LRRC41: variants seen among roughly 807,000 people sequenced by gnomAD.
LRRC41 encodes the protein leucine rich repeat containing 41.
Under a neutral mutation model 72.1 loss-of-function variants are expected in LRRC41, and 17 were observed. The ratio of observed to expected loss-of-function variants is 0.24; its 90% confidence interval spans 0.16 to 0.35. The LOEUF is 0.35. Ranked by LOEUF, LRRC41 falls within the 10% of genes least tolerant of loss-of-function variation. LRRC41 has a pLI of 1.00. For missense variants in LRRC41, 759 were observed against 1,065.0 expected (o/e 0.71, Z 4.00); for synonymous variants, 427 against 431.0 (o/e 0.99, Z 0.11).
chr1:46,289,926 A>C (rs1219953249), intron 3 of LRRC41, among the ~76,000 whole-genome samples: 1 of 152,198 alleles, frequency 6.6e-6, no homozygotes, highest in Admixed American at 6.6e-5. Context: ...AGGTGAAGTG[A>C]TGTTTGCCCA....
In LRRC41 at chr1:46,302,280, G is replaced by A; in HGVS notation, c.199+844C>T. The A allele has an allele frequency of 2.0e-6, 2 of 985,290 alleles. No homozygotes were observed. The highest frequency in any genetic ancestry group is 2.4e-6 in the Non-Finnish European group (2 of 829,882). 61.0% of individuals were successfully genotyped at this position (985,290 alleles called of 1,614,324 possible). A position where few individuals can be genotyped will look rare whatever the true frequency, so the allele number is the denominator to read the frequency against. ...GATCCCCGGGCCGTCGCCCCGCTTGGGGCCTCCTTGGCCCTTCCCGCCTGT... is the reference window on the plus strand; with the variant it reads ...GATCCCCGGGCCGTCGCCCCGCTTGAGGCCTCCTTGGCCCTTCCCGCCTGT... On this transcript the variant is annotated intron_variant, in intron 1 of 9. Transcript: ENST00000617190. The surrounding 1 kb of genome is among the most constrained non-coding windows in gnomAD (Gnocchi z 4.7).
At position 46,279,710 on chromosome 1, in the gene LRRC41, T is replaced by C. The variant is rs1660729478; in HGVS notation, c.2021-96A>G. The C allele has an allele frequency of 7.1e-7, 1 of 1,416,040 alleles. No homozygotes were observed. The highest frequency in any genetic ancestry group is 9.8e-7 in the Non-Finnish European group (1 of 1,025,380). The allele number at this position is 1,416,040 out of a possible 1,614,324, so 87.7% of individuals were successfully genotyped here. On this transcript the variant is annotated intron_variant, in intron 7 of 9. Coordinates refer to ENST00000617190, the MANE Select transcript of LRRC41 (RefSeq NM_006369.5). The surrounding 1 kb of genome is among the most constrained non-coding windows in gnomAD (Gnocchi z 4.5). Reference sequence around the variant, plus strand: ...GCCCTAGCAAGGGGTATTAACATTATAGAGGCCCAAAAAGAGGAAGGAATT... The same window carrying C: ...GCCCTAGCAAGGGGTATTAACATTACAGAGGCCCAAAAAGAGGAAGGAATT...
At chr1:46,298,012 A>T (rs943293878) in intron 2 of LRRC41, among the ~76,000 whole-genome samples, 4 of 152,196 alleles carry the variant, frequency 2.6e-5, no homozygotes, top group Admixed American at 2.0e-4. Flanking sequence ...TTGGTAAAAT[A>T]GAGAAACTAA....
intron 3 of LRRC41, among the ~76,000 whole-genome samples, chr1:46,295,208 T>A (rs888676017): frequency 1.3e-5 from 2 of 152,014 alleles, no homozygotes; most frequent in Non-Finnish European, 1.5e-5. Flanking sequence ...TACAGGCATG[T>A]GCCACCATGC....
intron 3 of LRRC41, among the ~76,000 whole-genome samples, chr1:46,293,060 TGTA>T: frequency 6.6e-6 from 1 of 152,116 alleles, no homozygotes; most frequent in South Asian, 2.1e-4. Context: ...GGCACGCACT[TGTA>T]GTCCCAGCTA....
rs1345246315 is a variant in LRRC41 at position 46,302,380 on chromosome 1, C to T, written c.199+744G>A. The T allele has an allele frequency of 1.1e-5, 11 of 985,194 alleles. No individual in the cohort carries two copies. Among genetic ancestry groups the T allele is most frequent in the African/African-American group, 1.7e-5 (1 of 57,246 alleles). 61.0% of individuals were successfully genotyped at this position (985,194 alleles called of 1,614,324 possible). On this transcript the variant is annotated intron_variant, in intron 1 of 9. Coordinates refer to ENST00000617190, the MANE Select transcript of LRRC41 (RefSeq NM_006369.5). The surrounding 1 kb of genome is among the most constrained non-coding windows in gnomAD (Gnocchi z 4.7). ...CACTCGCTCTCCGGTCCCTCCTCGC[C>T]GCTCGAGCCGATCCGAGTGGCCTCC... is the stretch of plus-strand genomic sequence containing the variant.
In LRRC41 at chr1:46,302,095, C is replaced by T. The variant is rs117779927; in HGVS notation, c.199+1029G>A. On this transcript the variant is annotated intron_variant, in intron 1 of 9. Transcript: ENST00000617190. This position sits in a 1 kb window ranked among gnomAD's most constrained non-coding sequence, Gnocchi z 4.7. ...CCTCCCAGCCCAACTGGCCGGTTCGCCCTCCCCGGCCGTTCATCCCGGCGC... is the reference window on the plus strand; with the variant it reads ...CCTCCCAGCCCAACTGGCCGGTTCGTCCTCCCCGGCCGTTCATCCCGGCGC... 929 of 985,324 alleles carry T rather than the reference C, an allele frequency of 9.4e-4. 34 individuals carry two copies. In the East Asian group the frequency reaches 0.066, roughly 70 times the overall value. 61.0% of individuals were successfully genotyped at this position (985,324 alleles called of 1,614,324 possible). A position where few individuals can be genotyped will look rare whatever the true frequency, so the allele number is the denominator to read the frequency against.
chr1:46,286,614 A>G lies in LRRC41; in HGVS notation c.358-115T>C. On this transcript the variant is annotated intron_variant, in intron 3 of 9. Transcript: ENST00000617190. The surrounding 1 kb of genome is among the most constrained non-coding windows in gnomAD (Gnocchi z 5.5). The stretch of plus-strand genomic sequence containing the variant: ...GTCAGGCAACACTACAAATTCATTT[A>G]ATCTTCACATCTCTGAGGTATGTAT... 1 of 973,828 alleles carries G rather than the reference A, an allele frequency of 1.0e-6. No homozygotes were observed. Among genetic ancestry groups the G allele is most frequent in the Non-Finnish European group, 1.5e-6 (1 of 665,930 alleles). The allele number at this position is 973,828 out of a possible 1,614,324, so 60.3% of individuals were successfully genotyped here.
chr1:46,292,318 G>A lies in LRRC41; in HGVS notation c.357+5245C>T, dbSNP rs78327845. 5.8e-4 allele frequency among the ~76,000 whole-genome samples: 88 copies of A among 151,372 alleles called. 1 individual carries two copies. In the East Asian group the frequency reaches 0.014, roughly 24 times the overall value. On this transcript the variant is annotated intron_variant, in intron 3 of 9. Coordinates refer to ENST00000617190, the MANE Select transcript of LRRC41 (RefSeq NM_006369.5). The stretch of plus-strand genomic sequence containing the variant: ...TCCCTGTGTTGCCCAGACTGGTCTC[G>A]AATTCATGGGCTCAAGTGATCCTCT...
chr1:46,292,047 C>T (rs1258737195), intron 3 of LRRC41, among the ~76,000 whole-genome samples: 1 of 151,974 alleles, frequency 6.6e-6, no homozygotes, highest in African/African-American at 2.4e-5. Flanking sequence ...GCCACAGTGG[C>T]TTATACCTAT....
Position 46,277,655 on chromosome 1 carries a change from A to G in LRRC41, c.*1210T>C. Reference sequence around the variant, plus strand: ...TGTTCTCAGGAGACAGACTGGGAAAATGGACCTCAGCTGAGTAGAGATAAT... The same window carrying G: ...TGTTCTCAGGAGACAGACTGGGAAAGTGGACCTCAGCTGAGTAGAGATAAT... On this transcript the variant is annotated 3_prime_UTR_variant, in exon 10 of 10. Coordinates refer to ENST00000617190, the MANE Select transcript of LRRC41 (RefSeq NM_006369.5). 3 of 797,788 alleles carry G rather than the reference A, an allele frequency of 3.8e-6. No individual in the cohort carries two copies. Among genetic ancestry groups the G allele is most frequent in the Non-Finnish European group, 6.1e-6 (3 of 493,942 alleles). 49.4% of individuals were successfully genotyped at this position (797,788 alleles called of 1,614,324 possible). A position where few individuals can be genotyped will look rare whatever the true frequency, so the allele number is the denominator to read the frequency against.
At chr1:46,289,558 C>T (rs1300429745) in intron 3 of LRRC41, among the ~76,000 whole-genome samples, 6 of 152,136 alleles carry the variant, frequency 3.9e-5, no homozygotes, top group African/African-American at 1.4e-4. Flanking sequence ...GTCAGGAGAT[C>T]GAGGCCATCC....
chr1:46,296,343 G>C (rs1309039695), intron 3 of LRRC41, among the ~76,000 whole-genome samples: 4 of 152,184 alleles, frequency 2.6e-5, no homozygotes, highest in Non-Finnish European at 5.9e-5. Flanking sequence ...CTTGAACCCG[G>C]GAGGCAGAGG....
rs745356000 is a variant in LRRC41, at chr1:46,285,671, C to T, written c.1186G>A (p.Gly396Arg). Residue 396 changes from glycine (G) to arginine (R), a missense_variant, in exon 4 of 10, where the codon GGG becomes AGG. By Grantham distance (125) the Gly-to-Arg change is moderately radical (BLOSUM62 -2). Transcript: ENST00000617190. The surrounding 1 kb of genome is among the most constrained non-coding windows in gnomAD (Gnocchi z 5.3). ...KPLKRFKRAA[G>R]KKGARTRQGP... is the part of the protein sequence containing the mutation. ...TGACGGGTGCGAGCACCCTTCTTCCCTGCAGCTCGCTTGAAACGCTTTAGG... is the reference window on the plus strand; with the variant it reads ...TGACGGGTGCGAGCACCCTTCTTCCTTGCAGCTCGCTTGAAACGCTTTAGG... The T allele has an allele frequency of 6.2e-7, 1 of 1,614,164 alleles. No individual in the cohort carries two copies. The highest frequency in any genetic ancestry group is 8.5e-7 in the Non-Finnish European group (1 of 1,180,008).
chr1:46,281,453 A>C, intron 4 of LRRC41, 68 bp from the exon 5 acceptor site: 1 of 1,471,878 alleles, frequency 6.8e-7, no homozygotes, highest in Non-Finnish European at 9.3e-7. Flanking sequence ...ATTCAAATAC[A>C]ACTCCAAATA....
At position 46,278,451 on chromosome 1, in the gene LRRC41, A is replaced by C; in HGVS notation, c.*414T>G. ...AAGAAAAACTTTTTTGGTTAAAAAA[A>C]AGAATAAAGGTATGAAAGGGTTTGA... On this transcript the variant is annotated 3_prime_UTR_variant, in exon 10 of 10. Coordinates refer to ENST00000617190, the MANE Select transcript of LRRC41 (RefSeq NM_006369.5). 1.2e-6 allele frequency: 1 copy of C among 853,182 alleles called. No individual in the cohort carries two copies. Among genetic ancestry groups the C allele is most frequent in the Non-Finnish European group, 1.8e-6 (1 of 541,006 alleles). 52.9% of individuals were successfully genotyped at this position (853,182 alleles called of 1,614,324 possible). A position where few individuals can be genotyped will look rare whatever the true frequency, so the allele number is the denominator to read the frequency against.
intron 5 of LRRC41, 118 bp downstream of exon 5, chr1:46,281,007 A>C: frequency 7.1e-7 from 1 of 1,398,790 alleles, no homozygotes; most frequent in Admixed American, 2.1e-5. Context: ...TAGGTTCCAG[A>C]TAAGCCAGGA....
At position 46,279,239 on chromosome 1, in the gene LRRC41, G is replaced by A. The variant is rs1557711599; in HGVS notation, c.2162C>T (p.Ala721Val). The change falls in exon 9 of 10, where the codon GCC (alanine) becomes GTC (valine). Residue 721 changes from alanine to valine, a missense_variant. By Grantham distance (64) the Ala-to-Val change is moderately conservative (BLOSUM62 0). Coordinates refer to ENST00000617190, the MANE Select transcript of LRRC41 (RefSeq NM_006369.5). The surrounding 1 kb of genome is among the most constrained non-coding windows in gnomAD (Gnocchi z 4.5). ...ATCCTCTGAGAAAACATCTGCCAAG[G>A]CCAGCAGGCCAGCATTCCCTGGAGA... ...GNRLGNAGLL[A>V]LADVFSEDSS... 1 of 1,614,144 alleles carries A rather than the reference G, an allele frequency of 6.2e-7. No individual in the cohort carries two copies. Among genetic ancestry groups the A allele is most frequent in the Non-Finnish European group, 8.5e-7 (1 of 1,180,014 alleles).
In LRRC41 at chr1:46,302,941, G is replaced by A. The variant is rs1661274819; in HGVS notation, c.199+183C>T. On this transcript the variant is annotated intron_variant, in intron 1 of 9. Coordinates refer to ENST00000617190, the MANE Select transcript of LRRC41 (RefSeq NM_006369.5). This position sits in a 1 kb window ranked among gnomAD's most constrained non-coding sequence, Gnocchi z 4.7. ...GGTGCGGGTCAGCCTGCCCATTTAG[G>A]TCTCCGTCTTTACTCTGTCCAGCCC... is the stretch of plus-strand genomic sequence containing the variant. 1 of 985,078 alleles carries A rather than the reference G, an allele frequency of 1.0e-6. No individual in the cohort carries two copies. Among genetic ancestry groups the A allele is most frequent in the African/African-American group, 1.7e-5 (1 of 57,182 alleles). 61.0% of individuals were successfully genotyped at this position (985,078 alleles called of 1,614,324 possible).
Sources: gnomAD v4.1 joint callset for allele counts (sites outside exome capture counted in the v4.1 genomes callset) on GRCh38, gnomAD v4.1.1 for gene constraint, Gnocchi (gnomAD v3.1) non-coding constraint, MANE v1.5 for transcripts, NCBI Gene and HGNC (gene_info 2026-07-23, HGNC 2026-07-21) for gene names.